The following ASZ1 variants were observed in gnomAD, a reference collection of about 807,000 sequenced individuals.
ASZ1 encodes ankyrin repeat, SAM and basic leucine zipper domain-containing protein 1.
A neutral mutation model predicts 61.8 loss-of-function variants in ASZ1; 67 were observed. That is an observed-to-expected ratio of 1.08 (90% CI 0.89 to 1.33). The LOEUF is 1.33. Ranked by LOEUF, ASZ1 falls within the 40% of genes most tolerant of loss-of-function variation. ASZ1 has a pLI of 0.00. For synonymous variants in ASZ1, 193 were observed against 192.7 expected (o/e 1.00, Z -0.01); for missense variants, 577 against 554.5 (o/e 1.04, Z -0.41).
intron 1 of ASZ1, 41 bp downstream of exon 1, chr7:117,427,315 G>T (rs775461511): frequency 8.1e-6 from 13 of 1,603,548 alleles, no homozygotes; most frequent in Non-Finnish European, 1.1e-5. Context: ...GCCAGGGGAG[G>T]CTGAAACCAG....
chr7:117,418,521 C>T (rs1284304691), intron 4 of ASZ1, among the ~76,000 whole-genome samples: 1 of 151,808 alleles, frequency 6.6e-6, no homozygotes, highest in Non-Finnish European at 1.5e-5. Flanking sequence ...GTCGTGGTGG[C>T]GTGCGTCTCT....
intron 4 of ASZ1, among the ~76,000 whole-genome samples, chr7:117,395,414 A>T (rs1243759632): frequency 1.3e-5 from 2 of 152,090 alleles, no homozygotes; most frequent in East Asian, 1.9e-4. Context: ...TCTGTTTGGC[A>T]CTCTGAATAC....
intron 2 of ASZ1, among the ~76,000 whole-genome samples, chr7:117,425,470 G>T (rs1255264149): frequency 6.6e-6 from 1 of 151,570 alleles, no homozygotes; most frequent in African/African-American, 2.4e-5. Flanking sequence ...GGGTTTCACT[G>T]TGTTAGCCAG....
chr7:117,363,717 T>C lies in ASZ1; in HGVS notation c.1307A>G (p.His436Arg), dbSNP rs141262952. Residue 436 changes from histidine to arginine, a missense_variant, in exon 13 of 13, where the codon CAT (histidine) becomes CGT (arginine). Transcript: ENST00000284629. ...AGATACTTCTTCCCTTAATTGTATA[T>C]GAGTTGGATCATTTTCCCGTTCATT... ...LQNERENDPTHIQLREEVSTW... is the reference protein window; with the variant it reads ...LQNERENDPTRIQLREEVSTW... 16 of 1,591,742 alleles carry C rather than the reference T, an allele frequency of 1.0e-5. No homozygotes were observed. Among genetic ancestry groups the C allele is most frequent in the Non-Finnish European group, 1.2e-5 (14 of 1,169,104 alleles).
chr7:117,426,488 C>CAAAAAAAA (rs10625452), intron 2 of ASZ1, among the ~76,000 whole-genome samples: 68 of 33,810 alleles, frequency 2.0e-3, no homozygotes, highest in African/African-American at 4.5e-3. Flanking sequence ...GATAACATCT[C>CAAAAAAAA]AAAAAAAAAA....
intron 4 of ASZ1, among the ~76,000 whole-genome samples, chr7:117,419,297 AT>A (rs1022650741): frequency 6.6e-6 from 1 of 152,150 alleles, no homozygotes; most frequent in East Asian, 1.9e-4. Flanking sequence ...CTAAAATATT[AT>A]TTTTTTAAAT....
chr7:117,369,008 T>C (rs1795999166), intron 10 of ASZ1, among the ~76,000 whole-genome samples: 1 of 152,202 alleles, frequency 6.6e-6, no homozygotes, highest in African/African-American at 2.4e-5. Context: ...TTTGAGTAGC[T>C]ACTATGTGAA....
At chr7:117,381,959 A>T in intron 8 of ASZ1, 110 bp downstream of exon 8, 1 of 701,052 alleles carries the variant, frequency 1.4e-6, no homozygotes, top group Non-Finnish European at 2.5e-6. Context: ...TATGGTGAAA[A>T]GTAAATTGGC....
chr7:117,382,288 A>G lies in ASZ1; in HGVS notation c.813-144T>C. The G allele has an allele frequency of 5.1e-6, 3 of 593,432 alleles. No homozygotes were observed. In the South Asian group the frequency reaches 6.5e-5, roughly 13 times the overall value. 36.8% of individuals were successfully genotyped at this position (593,432 alleles called of 1,614,324 possible). A position where few individuals can be genotyped will look rare whatever the true frequency, so the allele number is the denominator to read the frequency against. ...AATCTGCACACCAGACCTATGCTAT[A>G]TCAAAGGAATAAGTAAGGTTTTGTG... On this transcript the variant is annotated intron_variant, in intron 7 of 12. Transcript: ENST00000284629.
chr7:117,404,943 G>A (rs1421213545), intron 4 of ASZ1, among the ~76,000 whole-genome samples: 1 of 152,094 alleles, frequency 6.6e-6, no homozygotes, highest in Non-Finnish European at 1.5e-5. Context: ...ACCACCCTAT[G>A]ATTGACTCTC....
In ASZ1 at chr7:117,367,450, C is replaced by T. The variant is rs1403771930; in HGVS notation, c.1177G>A (p.Ala393Thr). ...VNSQKITLEW[A>T]SPQNFTSVCE... ...ACTGAAGTAAAATTCTGGGGAGAAG[C>T]CCATTCCAGTGTTATCTGTTAATAT... is the stretch of plus-strand genomic sequence containing the variant. Residue 393 changes from alanine to threonine, a missense_variant, in exon 12 of 13, where the codon GCT becomes ACT. Ala to Thr is a moderately conservative substitution (Grantham distance 58). Transcript: ENST00000284629. 1.3e-6 allele frequency: 2 copies of T among 1,537,552 alleles called. No individual in the cohort carries two copies. Among genetic ancestry groups the T allele is most frequent in the Non-Finnish European group, 1.7e-6 (2 of 1,143,224 alleles).
intron 11 of ASZ1, 167 bp from the exon 12 acceptor site, chr7:117,367,632 A>G (rs10237738): frequency 0.18 from 198,166 of 1,130,992 alleles, 18,460 homozygotes; most frequent in Non-Finnish European, 0.19. Context: ...TTATAAAAAT[A>G]TAATCAAATG....
At chr7:117,401,500 C>A (rs1211773855) in intron 4 of ASZ1, among the ~76,000 whole-genome samples, 1 of 151,964 alleles carries the variant, frequency 6.6e-6, no homozygotes, top group Non-Finnish European at 1.5e-5. Flanking sequence ...TGCTGGACCC[C>A]TACTGGCTCC....
chr7:117,367,910 CT>C lies in ASZ1; in HGVS notation c.1162-446del, dbSNP rs1795974841. On this transcript the variant is annotated intron_variant, in intron 11 of 12. Coordinates refer to ENST00000284629, the MANE Select transcript of ASZ1 (RefSeq NM_130768.3). ...TTCTTTCTTTTTTTTGAGAAAGTGT[CT>C]TGTTCTGTTGCCCAGGCTGGAGTGC... The C allele has an allele frequency of 1.2e-5, 12 of 974,220 alleles. No homozygotes were observed. The South Asian group carries it at 5.2e-4, about 42-fold the overall frequency. 60.3% of individuals were successfully genotyped at this position (974,220 alleles called of 1,614,324 possible). A position where few individuals can be genotyped will look rare whatever the true frequency, so the allele number is the denominator to read the frequency against.
intron 4 of ASZ1, among the ~76,000 whole-genome samples, chr7:117,390,608 T>G (rs1796445246): frequency 1.3e-5 from 2 of 152,212 alleles, no homozygotes; most frequent in Non-Finnish European, 2.9e-5. Context: ...TTGAGAAATC[T>G]CCAAACTGTT....
chr7:117,411,285 T>G (rs983927023), intron 4 of ASZ1, among the ~76,000 whole-genome samples: 1 of 151,800 alleles, frequency 6.6e-6, no homozygotes, highest in Non-Finnish European at 1.5e-5. Flanking sequence ...GTAAAACTGC[T>G]AACAAAGGTA....
At chr7:117,423,573 C>G (rs7804650) in intron 2 of ASZ1, among the ~76,000 whole-genome samples, 19,095 of 150,978 alleles carry the variant, frequency 0.13, 2,785 homozygotes, top group African/African-American at 0.36. Flanking sequence ...AGGCCAGGCA[C>G]GGTGGCTCAT....
chr7:117,367,314 C>T, intron 12 of ASZ1, 38 bp downstream of exon 12: 1 of 1,372,858 alleles, frequency 7.3e-7, no homozygotes, highest in South Asian at 1.9e-5. Context: ...AAATCATTTC[C>T]CTTCATTTTT....
intron 10 of ASZ1, among the ~76,000 whole-genome samples, chr7:117,371,870 G>A (rs1054374902): frequency 2.0e-5 from 3 of 152,162 alleles, no homozygotes; most frequent in Non-Finnish European, 4.4e-5. Flanking sequence ...AAATATATAT[G>A]CGGAATATAA....
Sources: allele counts gnomAD v4.1 joint callset (sites outside exome capture counted in the v4.1 genomes callset), GRCh38; gene constraint gnomAD v4.1.1; transcripts MANE v1.5; gene names NCBI Gene and HGNC (gene_info 2026-07-23, HGNC 2026-07-21).